The following CTIF variants were observed in gnomAD, a reference collection of about 807,000 sequenced individuals.
CTIF encodes the protein CBP80/20-dependent translation initiation factor.
CTIF carries 21 observed loss-of-function variants against 66.0 expected under a neutral mutation model. The ratio of observed to expected loss-of-function variants is 0.32; its 90% CI spans 0.23 to 0.46. The LOEUF is 0.46. Ranked by LOEUF, CTIF falls within the 20% of genes least tolerant of loss-of-function variation. The pLI, the probability that CTIF is intolerant of heterozygous loss-of-function variation, is 1.00. For synonymous variants in CTIF, 345 were observed against 326.4 expected (o/e 1.06, Z -0.62); for missense variants, 739 against 812.7 (o/e 0.91, Z 1.10).
intron 9 of CTIF, among the ~76,000 whole-genome samples, chr18:48,781,082 G>C (rs1187450757): frequency 6.6e-6 from 1 of 152,166 alleles, no homozygotes; most frequent in Non-Finnish European, 1.5e-5. Flanking sequence ...CCCTCTTCTT[G>C]TTGTCAGGCT....
intron 9 of CTIF, among the ~76,000 whole-genome samples, chr18:48,774,347 T>G (rs1440897758): frequency 6.6e-6 from 1 of 151,972 alleles, no homozygotes; most frequent in African/African-American, 2.4e-5. Flanking sequence ...ACCCAGAGCC[T>G]AGAATAAGGG....
At chr18:48,606,821 G>T (rs921575776) in intron 1 of CTIF, among the ~76,000 whole-genome samples, 1 of 152,104 alleles carries the variant, frequency 6.6e-6, no homozygotes, top group Non-Finnish European at 1.5e-5. Flanking sequence ...GCAACCCTTC[G>T]TGTCCTCAGT....
chr18:48,546,406 C>A (rs560288404), intron 1 of CTIF, among the ~76,000 whole-genome samples: 2 of 152,214 alleles, frequency 1.3e-5, no homozygotes, highest in East Asian at 3.9e-4. Flanking sequence ...TCCATAAGCA[C>A]GTCCAAAAGG....
chr18:48,857,700 A>T (rs529867922), intron 11 of CTIF, 59 bp downstream of exon 11: 6 of 1,536,372 alleles, frequency 3.9e-6, no homozygotes, highest in Non-Finnish European at 5.3e-6. Context: ...TCATGCCTTA[A>T]CAGTTCTAGG....
Position 48,862,618 on chromosome 18 carries a change from A to G in CTIF, c.*3059A>G, listed in dbSNP as rs2069498515. 1 of 152,676 alleles carries G rather than the reference A, an allele frequency of 6.5e-6. No homozygotes were observed. Among genetic ancestry groups the G allele is most frequent in the Non-Finnish European group, 1.5e-5 (1 of 68,074 alleles). 9.5% of individuals were successfully genotyped at this position (152,676 alleles called of 1,614,324 possible). A position where few individuals can be genotyped will look rare whatever the true frequency, so the allele number is the denominator to read the frequency against. On this transcript the variant is annotated 3_prime_UTR_variant, in exon 12 of 12. Transcript: ENST00000256413. ...TGTTTGGGGATCGTCCTGTCCATCC[A>G]TGTAAATGTAAATGTTGGCCGAGTC...
rs761709485 is a variant in CTIF, at chr18:48,862,440, G to C, written c.*2881G>C. ...GCCACAGCCCTGCTCCCCAAGGCCT[G>C]GTGGCTTTGCCGAAGCTCTGGGACC... On this transcript the variant is annotated 3_prime_UTR_variant, in exon 12 of 12. Transcript: ENST00000256413. The C allele has an allele frequency of 6.6e-6, 1 of 152,584 alleles. No homozygotes were observed. Among genetic ancestry groups the C allele is most frequent in the Non-Finnish European group, 1.5e-5 (1 of 68,052 alleles). 9.5% of individuals were successfully genotyped at this position (152,584 alleles called of 1,614,324 possible).
At chr18:48,800,730 G>A (rs891250781) in intron 9 of CTIF, among the ~76,000 whole-genome samples, 20 of 152,222 alleles carry the variant, frequency 1.3e-4, no homozygotes, top group Non-Finnish European at 2.9e-5. Flanking sequence ...GGTGGGGAAC[G>A]TGAGACGGTA....
At chr18:48,825,286 G>T (rs1431372475) in intron 10 of CTIF, among the ~76,000 whole-genome samples, 1 of 151,986 alleles carries the variant, frequency 6.6e-6, no homozygotes, top group Non-Finnish European at 1.5e-5. Context: ...CAAGGGAAGG[G>T]CAGGGAGAGG....
chr18:48,619,856 A>T, intron 2 of CTIF, 111 bp downstream of exon 2: 1 of 1,075,590 alleles, frequency 9.3e-7, no homozygotes, highest in Non-Finnish European at 1.3e-6. Context: ...CCAAGGCATG[A>T]ATGGTCCCAC....
chr18:48,775,988 A>G (rs1386220673), intron 9 of CTIF, among the ~76,000 whole-genome samples: 1 of 152,220 alleles, frequency 6.6e-6, no homozygotes, highest in East Asian at 1.9e-4. Flanking sequence ...GGCCAAGACC[A>G]TATTTTCATC....
intron 7 of CTIF, among the ~76,000 whole-genome samples, chr18:48,750,754 C>T (rs982456939): frequency 6.6e-6 from 1 of 152,230 alleles, no homozygotes; most frequent in African/African-American, 2.4e-5. Context: ...CTGGCTCAGC[C>T]CTCCGCCTTT....
At chr18:48,690,308 C>T (rs9950481) in intron 6 of CTIF, among the ~76,000 whole-genome samples, 2,704 of 152,274 alleles carry the variant, frequency 0.018, 84 homozygotes, top group African/African-American at 0.062. Context: ...AGCCCCTTAC[C>T]AGTCTGCCCT....
At chr18:48,833,354 G>A (rs918254683) in intron 10 of CTIF, among the ~76,000 whole-genome samples, 2 of 152,176 alleles carry the variant, frequency 1.3e-5, no homozygotes, top group African/African-American at 4.8e-5. Flanking sequence ...CGTGTGGGCT[G>A]CGAGTCTTGG....
At chr18:48,760,715 C>A (rs972943170) in intron 8 of CTIF, 1 of 152,210 alleles carries the variant, frequency 6.6e-6, no homozygotes, top group Non-Finnish European at 1.5e-5. Context: ...GCAGTGAAAT[C>A]TCATAAGGCT....
chr18:48,559,803 T>G (rs1599141693), intron 1 of CTIF, among the ~76,000 whole-genome samples: 1 of 151,726 alleles, frequency 6.6e-6, no homozygotes, highest in Non-Finnish European at 1.5e-5. Context: ...CTGTGAAAGG[T>G]GGGAAGGTGA....
chr18:48,608,193 G>A (rs919048047), intron 1 of CTIF, among the ~76,000 whole-genome samples: 21 of 152,112 alleles, frequency 1.4e-4, no homozygotes, highest in African/African-American at 4.6e-4. Context: ...CAGAGAACTG[G>A]GGTTGATTGC....
chr18:48,555,822 G>A (rs1169564300), intron 1 of CTIF, among the ~76,000 whole-genome samples: 2 of 152,202 alleles, frequency 1.3e-5, no homozygotes, highest in African/African-American at 4.8e-5. Flanking sequence ...CTTGGTATGT[G>A]TGTGTGACAC....
At chr18:48,808,655 G>A (rs1471363472) in intron 9 of CTIF, among the ~76,000 whole-genome samples, 1 of 151,848 alleles carries the variant, frequency 6.6e-6, no homozygotes, top group Non-Finnish European at 1.5e-5. Flanking sequence ...AGTGAATAAT[G>A]CTTCCTTTGC....
intron 9 of CTIF, among the ~76,000 whole-genome samples, chr18:48,808,386 C>T (rs1159068725): frequency 1.3e-5 from 2 of 152,056 alleles, no homozygotes; most frequent in Admixed American, 6.6e-5. Flanking sequence ...ACATTTATTG[C>T]GTGTATTTTC....
Sources: gnomAD v4.1 joint callset for allele counts (sites outside exome capture counted in the v4.1 genomes callset) on GRCh38, gnomAD v4.1.1 for gene constraint, MANE v1.5 for transcripts, NCBI Gene and HGNC (gene_info 2026-07-23, HGNC 2026-07-21) for gene names.